Variants in OSBPL6 observed in about 807,000 individuals in gnomAD.
OSBPL6 encodes oxysterol-binding protein-related protein 6.
A neutral mutation model predicts 125.8 loss-of-function variants in OSBPL6; 49 were observed. The observed-to-expected ratio is 0.39, with a 90% CI of 0.31 to 0.49. The LOEUF (loss-of-function observed/expected upper bound fraction) is 0.49. Among genes scored for constraint, OSBPL6 ranks in the 20% least tolerant of loss-of-function variants. The pLI, the probability that OSBPL6 is intolerant of heterozygous loss-of-function variation, is 0.88. For synonymous variants in OSBPL6, 394 were observed against 391.8 expected, an observed-to-expected ratio of 1.01 and a Z score of -0.07; for missense variants, 986 against 1,135.4, an observed-to-expected ratio of 0.87 and a Z score of 1.89.
intron 12 of OSBPL6, among the ~76,000 whole-genome samples, chr2:178,361,459 A>G (rs906395567): frequency 2.6e-5 from 4 of 152,200 alleles, no homozygotes; most frequent in Non-Finnish European, 5.9e-5. Context: ...CCTGTCTGGT[A>G]TAAAAAACAA....
chr2:178,390,507 G>T (rs770837091), intron 21 of OSBPL6, among the ~76,000 whole-genome samples: 32 of 152,302 alleles, frequency 2.1e-4, no homozygotes, highest in South Asian at 1.2e-3. Flanking sequence ...AAAGGGCCTT[G>T]CCAGCTGTGG....
At chr2:178,204,207 G>T (rs568854943) in intron 1 of OSBPL6, among the ~76,000 whole-genome samples, 6 of 151,998 alleles carry the variant, frequency 3.9e-5, no homozygotes, top group Non-Finnish European at 8.8e-5. Context: ...CATTTTAGTA[G>T]AGAGGGTGGT....
intron 1 of OSBPL6, among the ~76,000 whole-genome samples, chr2:178,272,502 T>C (rs974540154): frequency 6.6e-6 from 1 of 152,174 alleles, no homozygotes; most frequent in Non-Finnish European, 1.5e-5. Flanking sequence ...ATCAGCTATC[T>C]TATGATTTAT....
intron 13 of OSBPL6, among the ~76,000 whole-genome samples, chr2:178,362,537 G>A (rs138334256): frequency 0.011 from 1,672 of 152,104 alleles, 10 homozygotes; most frequent in Non-Finnish European, 0.019. Flanking sequence ...ATTCAATGTC[G>A]TTATGTGATT....
At position 178,260,240 on chromosome 2, in the gene OSBPL6, T is replaced by C. The variant is rs181265580; in HGVS notation, c.-350-24687T>C. 2.3e-3 allele frequency among the ~76,000 whole-genome samples: 351 copies of C among 152,332 alleles called. 2 individuals carry two copies. Among genetic ancestry groups the C allele is most frequent in the African/African-American group, 8.2e-3 (342 of 41,584 alleles). ...GAATTGTTTTTTTAGAAGATCATCA[T>C]AACCATATGGACTTAAACACATTTG... On this transcript the variant is annotated intron_variant, in intron 1 of 24. Coordinates refer to ENST00000190611, the MANE Select transcript of OSBPL6 (RefSeq NM_032523.4).
intron 11 of OSBPL6, among the ~76,000 whole-genome samples, chr2:178,343,010 G>A (rs1484229729): frequency 2.0e-5 from 3 of 152,110 alleles, no homozygotes; most frequent in Admixed American, 6.5e-5. Flanking sequence ...ATGTGTGTAT[G>A]TATGTATGAC....
chr2:178,285,168 A>G (rs1034458549), intron 2 of OSBPL6, 47 bp downstream of exon 2: 2 of 397,716 alleles, frequency 5.0e-6, no homozygotes, highest in Non-Finnish European at 8.9e-6. Context: ...GGGTTAGGTT[A>G]GGCAGCGCTT....
chr2:178,381,445 C>T (rs916129753), intron 15 of OSBPL6, among the ~76,000 whole-genome samples: 6 of 152,142 alleles, frequency 3.9e-5, no homozygotes, highest in Non-Finnish European at 5.9e-5. Flanking sequence ...CCTCTGCTTC[C>T]TGGGTTCAAG....
chr2:178,243,517 A>T (rs577626161), intron 1 of OSBPL6, among the ~76,000 whole-genome samples: 1 of 151,992 alleles, frequency 6.6e-6, no homozygotes, highest in Non-Finnish European at 1.5e-5. Context: ...TCATTCCTTC[A>T]CTGCACTCCC....
chr2:178,329,866 C>T (rs1689043841), intron 5 of OSBPL6, among the ~76,000 whole-genome samples: 1 of 152,186 alleles, frequency 6.6e-6, no homozygotes. Context: ...TGCCCATTGG[C>T]TCAGTGCAGG....
intron 1 of OSBPL6, among the ~76,000 whole-genome samples, chr2:178,266,836 T>C (rs1295725871): frequency 1.3e-5 from 2 of 152,184 alleles, no homozygotes; most frequent in Non-Finnish European, 2.9e-5. Flanking sequence ...GGTCCAAGCT[T>C]TTTCCTGGTA....
intron 3 of OSBPL6, among the ~76,000 whole-genome samples, chr2:178,316,924 G>T (rs967349966): frequency 6.6e-6 from 1 of 151,870 alleles, no homozygotes; most frequent in African/African-American, 2.4e-5. Context: ...AAACAAAAAG[G>T]CTATTAAATT....
chr2:178,312,698 C>T (rs991471498), intron 3 of OSBPL6, among the ~76,000 whole-genome samples: 8 of 152,120 alleles, frequency 5.3e-5, no homozygotes, highest in African/African-American at 1.2e-4. Flanking sequence ...TCAAGTGATC[C>T]ACCCACCTCA....
At chr2:178,270,711 A>AT (rs747727459) in intron 1 of OSBPL6, among the ~76,000 whole-genome samples, 7 of 152,134 alleles carry the variant, frequency 4.6e-5, no homozygotes, top group Non-Finnish European at 8.8e-5. Context: ...AGAGATGGCA[A>AT]TTTTTTAGTG....
chr2:178,300,065 CAAACTATAG>C (rs1686140575), intron 2 of OSBPL6, among the ~76,000 whole-genome samples: 1 of 152,220 alleles, frequency 6.6e-6, no homozygotes, highest in Admixed American at 6.5e-5. Flanking sequence ...AATACAATGT[CAAACTATAG>C]AGGACTAAAC....
chr2:178,295,789 T>A (rs551178940), intron 2 of OSBPL6, among the ~76,000 whole-genome samples: 1 of 152,016 alleles, frequency 6.6e-6, no homozygotes, highest in South Asian at 2.1e-4. Flanking sequence ...ATTTAAAGAT[T>A]AATTATAATA....
intron 3 of OSBPL6, among the ~76,000 whole-genome samples, chr2:178,318,184 A>G (rs893589253): frequency 2.6e-5 from 4 of 152,192 alleles, no homozygotes; most frequent in African/African-American, 7.2e-5. Context: ...TTTGCTATCA[A>G]TGGACCACTT....
chr2:178,290,981 G>A (rs1387741610), intron 2 of OSBPL6, among the ~76,000 whole-genome samples: 2 of 151,876 alleles, frequency 1.3e-5, no homozygotes, highest in African/African-American at 4.8e-5. Context: ...CATTATAAAT[G>A]TATTTACTTT....
rs534657562 is a variant in OSBPL6 at position 178,392,354 on chromosome 2, C to T, written c.2447-58C>T. On this transcript the variant is annotated intron_variant, in intron 22 of 24. Transcript: ENST00000190611. Reference sequence around the variant, plus strand: ...GGTACTAAGTACTAGGGTAAGTCAGCTTCTTCCAGTTCCATAAACCTTCTG... The same window carrying T: ...GGTACTAAGTACTAGGGTAAGTCAGTTTCTTCCAGTTCCATAAACCTTCTG... The T allele has an allele frequency of 2.0e-4, 311 of 1,590,712 alleles. 3 individuals are homozygous for T. In the South Asian group the frequency reaches 2.6e-3, roughly 13 times the overall value.
Sources: allele counts gnomAD v4.1 joint callset (sites outside exome capture counted in the v4.1 genomes callset), GRCh38; gene constraint gnomAD v4.1.1; transcripts MANE v1.5; gene names NCBI Gene and HGNC (gene_info 2026-07-23, HGNC 2026-07-21).